Variants in CAMSAP3 observed in about 807,000 individuals in gnomAD.
The protein encoded by CAMSAP3 is calmodulin regulated spectrin associated protein family member 3.
Under a neutral mutation model 112.5 loss-of-function variants are expected in CAMSAP3, and 34 were observed. The observed-to-expected ratio is 0.30, with a 90% CI of 0.23 to 0.40. The LOEUF (loss-of-function observed/expected upper bound fraction) is 0.40. CAMSAP3 is among the 10% of genes least tolerant of loss of function. CAMSAP3 has a pLI of 1.00. For missense variants in CAMSAP3, 1,602 were observed against 1,770.3 expected, an observed-to-expected ratio of 0.90 and a Z score of 1.71; for synonymous variants, 868 against 799.8, an observed-to-expected ratio of 1.09 and a Z score of -1.44.
chr19:7,611,085 C>T lies in CAMSAP3; in HGVS notation c.1050-10C>T, dbSNP rs368599864. The T allele has an allele frequency of 1.2e-6, 2 of 1,613,618 alleles. No individual in the cohort carries two copies. The highest frequency in any genetic ancestry group is 1.7e-6 in the Non-Finnish European group (2 of 1,179,860). ...GGGGTCCTGAGGCTGAAGTACGTCTCTCCGTACAGTTCTCCTGTCTTCACC... is the reference window on the plus strand; with the variant it reads ...GGGGTCCTGAGGCTGAAGTACGTCTTTCCGTACAGTTCTCCTGTCTTCACC... On this transcript the variant is annotated splice_polypyrimidine_tract_variant and intron_variant, in intron 8 of 16. Coordinates refer to ENST00000160298, the MANE Select transcript of CAMSAP3 (RefSeq NM_020902.2). The surrounding 1 kb of genome is among the most constrained non-coding windows in gnomAD (Gnocchi z 6.9).
rs2030472422 is a variant in CAMSAP3, at chr19:7,611,280, C to T, written c.1123+112C>T. ...CCTTCCAATAGCCTCTCCATCAGAT[C>T]CCCCTTGGGCATCCCAAAGTGACCC... On this transcript the variant is annotated intron_variant, in intron 9 of 16. Coordinates refer to ENST00000160298, the MANE Select transcript of CAMSAP3 (RefSeq NM_020902.2). This position sits in a 1 kb window ranked among gnomAD's most constrained non-coding sequence, Gnocchi z 6.9. The T allele has an allele frequency of 9.1e-7, 1 of 1,103,100 alleles. No homozygotes were observed. Among genetic ancestry groups the T allele is most frequent in the Non-Finnish European group, 1.3e-6 (1 of 747,896 alleles). 68.3% of individuals were successfully genotyped at this position (1,103,100 alleles called of 1,614,324 possible).
chr19:7,610,403 C>T lies in CAMSAP3; in HGVS notation c.761-73C>T. The T allele has an allele frequency of 7.0e-7, 1 of 1,423,574 alleles. No homozygotes were observed. Among genetic ancestry groups the T allele is most frequent in the Non-Finnish European group, 9.6e-7 (1 of 1,041,594 alleles). 88.2% of individuals were successfully genotyped at this position (1,423,574 alleles called of 1,614,324 possible). On this transcript the variant is annotated intron_variant, in intron 5 of 16. Transcript: ENST00000160298. The surrounding 1 kb of genome is among the most constrained non-coding windows in gnomAD (Gnocchi z 4.9). ...GAGGTCTTCCGTGTGTGGGGGACTG[C>T]TGGTCCCTGGCTTCCCTGGGGCCCC...
At chr19:7,596,435 CGGGGTCTGCGGGCCGGGT>C (rs2024444422) in intron 1 of CAMSAP3, among the ~76,000 whole-genome samples, 1 of 150,940 alleles carries the variant, frequency 6.6e-6, no homozygotes, top group Admixed American at 6.6e-5. Context: ...GTGAGCCGGG[CGGGGTCTGCGGGCCGGGT>C]GGGGTCTCCC....
In CAMSAP3 at chr19:7,607,990, C is replaced by A. The variant is rs1449262050; in HGVS notation, c.622-136C>A. On this transcript the variant is annotated intron_variant, in intron 4 of 16. Coordinates refer to ENST00000160298, the MANE Select transcript of CAMSAP3 (RefSeq NM_020902.2). This position sits in a 1 kb window ranked among gnomAD's most constrained non-coding sequence, Gnocchi z 4.9. Reference sequence around the variant, plus strand: ...TGCCCCTCCCCTGCTCCAGGCTGGCCCCCCAACTCTGTCTCTGGGACCCCC... The same window carrying A: ...TGCCCCTCCCCTGCTCCAGGCTGGCACCCCAACTCTGTCTCTGGGACCCCC... The A allele has an allele frequency of 1.8e-6, 2 of 1,087,614 alleles. No homozygotes were observed. Among genetic ancestry groups the A allele is most frequent in the East Asian group, 4.9e-5 (2 of 40,728 alleles). The allele number at this position is 1,087,614 out of a possible 1,614,324, so 67.4% of individuals were successfully genotyped here.
rs767683062 is a variant in CAMSAP3, at chr19:7,611,694, C to A, written c.1201C>A (p.Leu401Ile). The change falls in exon 11 of 17, where the codon CTC becomes ATC. Residue 401 changes from leucine to isoleucine, a missense_variant. Leu to Ile is a conservative substitution (Grantham distance 5, BLOSUM62 2). Transcript: ENST00000160298. This position sits in a 1 kb window ranked among gnomAD's most constrained non-coding sequence, Gnocchi z 6.9. ...CTCCCTCCGGCCGCCCAGCCGTCCCCTCTCCCAGGCTGTGTCATTCAGCAC... is the reference window on the plus strand; with the variant it reads ...CTCCCTCCGGCCGCCCAGCCGTCCCATCTCCCAGGCTGTGTCATTCAGCAC... The part of the protein sequence containing the change: ...KAWNRQLSRP[L>I]SQAVSFSTPF... 4 of 1,558,688 alleles carry A rather than the reference C, an allele frequency of 2.6e-6. No homozygotes were observed. The East Asian group carries it at 9.0e-5, about 35-fold the overall frequency.
At chr19:7,596,556 C>G (rs980485346) in intron 1 of CAMSAP3, among the ~76,000 whole-genome samples, 1 of 152,136 alleles carries the variant, frequency 6.6e-6, no homozygotes, top group African/African-American at 2.4e-5. Context: ...CTGCGAGGAT[C>G]TCCTCTCGGT....
At chr19:7,598,143 G>T (rs955788410) in intron 1 of CAMSAP3, among the ~76,000 whole-genome samples, 2 of 152,144 alleles carry the variant, frequency 1.3e-5, no homozygotes, top group East Asian at 3.8e-4. Context: ...CAGATCATAG[G>T]GAAGCTGGCC....
intron 1 of CAMSAP3, among the ~76,000 whole-genome samples, chr19:7,600,553 A>C (rs1008804693): frequency 9.1e-3 from 1 of 110 alleles, no homozygotes. Context: ...CCACCCACCC[A>C]CCCCCCATCC....
At position 7,610,684 on chromosome 19, in the gene CAMSAP3, G is replaced by C. The variant is rs748993708; in HGVS notation, c.901-16G>C. On this transcript the variant is annotated splice_polypyrimidine_tract_variant and intron_variant, in intron 6 of 16. Coordinates refer to ENST00000160298, the MANE Select transcript of CAMSAP3 (RefSeq NM_020902.2). This position sits in a 1 kb window ranked among gnomAD's most constrained non-coding sequence, Gnocchi z 4.9. ...GGCCAGGGGTCCCGTCTGCTGACCC[G>C]GCCTCCCACCTCCAGGTCAACTTGG... 1.2e-6 allele frequency: 2 copies of C among 1,613,912 alleles called. No homozygotes were observed. The highest frequency in any genetic ancestry group is 1.7e-6 in the Non-Finnish European group (2 of 1,179,970).
At chr19:7,601,231 A>G (rs2446180) in intron 1 of CAMSAP3, among the ~76,000 whole-genome samples, 67,078 of 152,090 alleles carry the variant, frequency 0.44, 15,236 homozygotes, top group South Asian at 0.64. Flanking sequence ...AATGAAATAT[A>G]TTACTAAATT....
chr19:7,607,582 TG>T lies in CAMSAP3; in HGVS notation c.622-539del, dbSNP rs1274294558. ...CTTCCTCTGCATCCTCTCCCCAAGC[TG>T]GGGGCCTGGGTCTTTTGTGGGAGGA... On this transcript the variant is annotated intron_variant, in intron 4 of 16. Transcript: ENST00000160298. This position sits in a 1 kb window ranked among gnomAD's most constrained non-coding sequence, Gnocchi z 4.9. 6.6e-6 allele frequency among the ~76,000 whole-genome samples: 1 copy of T among 152,034 alleles called. No homozygotes were observed. The highest frequency in any genetic ancestry group is 1.5e-5 in the Non-Finnish European group (1 of 67,966).
intron 1 of CAMSAP3, among the ~76,000 whole-genome samples, chr19:7,599,550 T>C (rs575413860): frequency 1.7e-4 from 6 of 34,846 alleles, no homozygotes; most frequent in Non-Finnish European, 3.4e-4. Context: ...ACCCACCCAT[T>C]CATTCATCCA....
At position 7,617,858 on chromosome 19, in the gene CAMSAP3, G is replaced by A. The variant is rs778077132; in HGVS notation, c.3551G>A (p.Arg1184Gln). 3.1e-6 allele frequency: 5 copies of A among 1,613,738 alleles called. No homozygotes were observed. Among genetic ancestry groups the A allele is most frequent in the East Asian group, 2.2e-5 (1 of 44,888 alleles). Reference sequence around the variant, plus strand: ...TCGGGGGAGACAGAGGAGCTGTCGCGGCTGGCAGGGTATGGGCCCCGGACC... The same window carrying A: ...TCGGGGGAGACAGAGGAGCTGTCGCAGCTGGCAGGGTATGGGCCCCGGACC... ...TLSGETEELS[R>Q]LAGYGPRTVT... Residue 1184 changes from arginine to glutamine, a missense_variant, in exon 17 of 17, where the codon CGG becomes CAG. This residue lies in a region of CAMSAP3 where 150 missense variants were observed against 207.6 expected (regional missense o/e 0.72). Coordinates refer to ENST00000160298, the MANE Select transcript of CAMSAP3 (RefSeq NM_020902.2). This position sits in a 1 kb window ranked among gnomAD's most constrained non-coding sequence, Gnocchi z 7.5.
rs1467672899 is a variant in CAMSAP3, at chr19:7,615,023, G to C, written c.2671-160G>C. On this transcript the variant is annotated intron_variant, in intron 11 of 16. Transcript: ENST00000160298. This position sits in a 1 kb window ranked among gnomAD's most constrained non-coding sequence, Gnocchi z 6.5. The stretch of plus-strand genomic sequence containing the variant: ...CATCCCTGTTGTGTCCCAGTACTTA[G>C]TGTGGGGCTGTGCATACAGTAGGCA... 3.8e-6 allele frequency: 3 copies of C among 792,748 alleles called. No individual in the cohort carries two copies. The highest frequency in any genetic ancestry group is 5.4e-5 in the East Asian group (2 of 37,232). The allele number at this position is 792,748 out of a possible 1,614,324, so 49.1% of individuals were successfully genotyped here.
chr19:7,613,089 G>A lies in CAMSAP3; in HGVS notation c.2596G>A (p.Gly866Ser), dbSNP rs1471223767. 16 of 1,547,126 alleles carry A rather than the reference G, an allele frequency of 1.0e-5. No homozygotes were observed. The highest frequency in any genetic ancestry group is 1.4e-5 in the Non-Finnish European group (16 of 1,146,496). The change falls in exon 11 of 17, where the codon GGT (glycine) becomes AGT (serine). Residue 866 changes from glycine (G) to serine (S), a missense_variant. Physicochemically the swap from Gly to Ser is moderately conservative, Grantham distance 56 (BLOSUM62 0). This residue lies in a region of CAMSAP3 where 1,100 missense variants were observed against 1,135.7 expected (regional missense o/e 0.97). Coordinates refer to ENST00000160298, the MANE Select transcript of CAMSAP3 (RefSeq NM_020902.2). ...AEDEGDGSPA[G>S]AEDSLEEEAS... ...GGACGAGGGAGACGGGAGCCCCGCTGGTGCTGAGGATTCCTTGGAGGAGGA... is the reference window on the plus strand; with the variant it reads ...GGACGAGGGAGACGGGAGCCCCGCTAGTGCTGAGGATTCCTTGGAGGAGGA...
chr19:7,606,061 C>T (rs983284814), intron 2 of CAMSAP3, among the ~76,000 whole-genome samples: 7 of 152,172 alleles, frequency 4.6e-5, no homozygotes, highest in African/African-American at 1.7e-4. Context: ...ACCTCAAAGT[C>T]CCACCCATCG....
At chr19:7,603,332 G>A (rs1008603270) in intron 1 of CAMSAP3, among the ~76,000 whole-genome samples, 3 of 151,454 alleles carry the variant, frequency 2.0e-5, no homozygotes, top group African/African-American at 4.9e-5. Flanking sequence ...CTCCGGCCTC[G>A]GCTTCCCGAG....
rs773562277 is a variant in CAMSAP3 at position 7,617,602 on chromosome 19, C to T, written c.3385C>T (p.Leu1129=). ...CAACAAGTTCATCATCCACAATGCC[C>T]TATCACACTGCTGCCTGGCGGGCAA... is the stretch of plus-strand genomic sequence containing the variant. The part of the protein sequence containing the change: ...KSNKFIIHNA[L]SHCCLAGKVN... The change falls in exon 16 of 17, where the codon CTA becomes TTA. Residue 1129 remains leucine, a synonymous_variant. Transcript: ENST00000160298. The surrounding 1 kb of genome is among the most constrained non-coding windows in gnomAD (Gnocchi z 7.5). 2 of 1,614,192 alleles carry T rather than the reference C, an allele frequency of 1.2e-6. No individual in the cohort carries two copies. The highest frequency in any genetic ancestry group is 1.7e-6 in the Non-Finnish European group (2 of 1,180,036).
At chr19:7,596,225 G>A in intron 1 of CAMSAP3, 75 bp downstream of exon 1, 1 of 722,066 alleles carries the variant, frequency 1.4e-6, no homozygotes, top group Non-Finnish European at 1.7e-6. Context: ...GCGGGGCGCC[G>A]GGCCGGGAAG....
Sources: gnomAD v4.1 joint callset for allele counts (sites outside exome capture counted in the v4.1 genomes callset) on GRCh38, gnomAD v4.1.1 for gene constraint, gnomAD v4.1.1 regional missense constraint, Gnocchi (gnomAD v3.1) non-coding constraint, MANE v1.5 for transcripts, NCBI Gene and HGNC (gene_info 2026-07-23, HGNC 2026-07-21) for gene names.